The following PLXNA4 variants were observed in gnomAD, a reference collection of about 807,000 sequenced individuals.
PLXNA4 encodes the protein plexin A4.
A neutral mutation model predicts 191.8 loss-of-function variants in PLXNA4; 44 were observed. That is an observed-to-expected ratio of 0.23 (90% confidence interval 0.18 to 0.29). The LOEUF (loss-of-function observed/expected upper bound fraction) is 0.29. Among genes scored for constraint, PLXNA4 ranks in the 10% least tolerant of loss-of-function variants. PLXNA4 has a pLI of 1.00. For synonymous variants in PLXNA4, 1,082 were observed against 1,009.5 expected (o/e 1.07, Z -1.36); for missense variants, 1,800 against 2,488.8 (o/e 0.72, Z 5.89).
chr7:132,532,377 T>C (rs936342116), intron 1 of PLXNA4, among the ~76,000 whole-genome samples: 3 of 152,202 alleles, frequency 2.0e-5, no homozygotes, highest in African/African-American at 4.8e-5. Flanking sequence ...ACATGAGAGT[T>C]TGCATTTCTA....
At chr7:132,477,337 G>C (rs1797170461) in intron 3 of PLXNA4, among the ~76,000 whole-genome samples, 1 of 152,146 alleles carries the variant, frequency 6.6e-6, no homozygotes, top group Non-Finnish European at 1.5e-5. Context: ...AAATGGGAGT[G>C]GGCCACCACC....
rs374317794 is a variant in PLXNA4 at position 132,179,898 on chromosome 7, G to A, written c.3663C>T (p.Tyr1221=). 317 of 1,610,016 alleles carry A rather than the reference G, an allele frequency of 2.0e-4. 1 individual carries two copies. In the African/African-American group the frequency reaches 3.6e-3, roughly 18 times the overall value. Residue 1221 remains tyrosine, a synonymous_variant, in exon 20 of 32, where the codon TAC becomes TAT. Coordinates refer to ENST00000321063, the MANE Select transcript of PLXNA4 (RefSeq NM_020911.2). ...GGGCAATGTACACCATCCCCGGGGA[G>A]TACTCCATGCCACCGACACGGGCCT... ...KVMARVGGME[Y]SPGMVYIAPD...
At chr7:132,259,323 C>A (rs929146327) in intron 4 of PLXNA4, among the ~76,000 whole-genome samples, 3 of 151,222 alleles carry the variant, frequency 2.0e-5, no homozygotes, top group Admixed American at 6.6e-5. Context: ...GTAATCCCAG[C>A]TACTTGGGAG....
chr7:132,303,244 GT>G (rs1424947271), intron 3 of PLXNA4, among the ~76,000 whole-genome samples: 1 of 118,368 alleles, frequency 8.4e-6, no homozygotes, highest in Non-Finnish European at 1.7e-5. Flanking sequence ...GAAAACAGAA[GT>G]TGATTTTTTT....
rs182036718 is a variant in PLXNA4, at chr7:132,271,793, G to T, written c.1503+26298C>A. 5.3e-5 allele frequency among the ~76,000 whole-genome samples: 8 copies of T among 152,246 alleles called. No homozygotes were observed. In the East Asian group the frequency reaches 1.3e-3, roughly 26 times the overall value. The stretch of plus-strand genomic sequence containing the variant: ...AAGAGTAGCTTCATTGGAAAAACCA[G>T]ATTACAGAGGGTTGGGGAAAGAGTT... On this transcript the variant is annotated intron_variant, in intron 4 of 31. Transcript: ENST00000321063.
intron 3 of PLXNA4, among the ~76,000 whole-genome samples, chr7:132,387,938 G>A (rs2116975306): frequency 6.6e-6 from 1 of 152,140 alleles, no homozygotes; most frequent in Non-Finnish European, 1.5e-5. Context: ...CAGAGAGGCT[G>A]GAAGCTCCCC....
intron 3 of PLXNA4, among the ~76,000 whole-genome samples, chr7:132,424,451 T>A (rs1367291866): frequency 1.3e-5 from 2 of 152,192 alleles, no homozygotes; most frequent in African/African-American, 2.4e-5. Context: ...ACCAGGCTGA[T>A]GTCGTCTTCA....
chr7:132,186,163 A>G (rs78387484), intron 15 of PLXNA4, among the ~76,000 whole-genome samples: 11,460 of 152,208 alleles, frequency 0.075, 762 homozygotes, highest in African/African-American at 0.18. Flanking sequence ...CACATTGCCT[A>G]GAGTCCTTCA....
At chr7:132,479,719 G>A (rs527987064) in intron 3 of PLXNA4, among the ~76,000 whole-genome samples, 6 of 152,154 alleles carry the variant, frequency 3.9e-5, no homozygotes, top group South Asian at 4.2e-4. Context: ...GCACGATCTC[G>A]GCTCACTGCA....
chr7:132,620,329 G>T (rs1803237213), intron 2 of PLXNA4, among the ~76,000 whole-genome samples: 1 of 152,060 alleles, frequency 6.6e-6, no homozygotes, highest in Admixed American at 6.6e-5. Context: ...TTTGTTCAAG[G>T]TCTTAAAATG....
intron 3 of PLXNA4, among the ~76,000 whole-genome samples, chr7:132,389,446 A>G (rs1253659950): frequency 6.6e-6 from 1 of 152,186 alleles, no homozygotes; most frequent in East Asian, 1.9e-4. Flanking sequence ...ATTTTTGTAT[A>G]AGGTGTAAGG....
intron 2 of PLXNA4, among the ~76,000 whole-genome samples, chr7:132,597,045 G>A (rs2116834823): frequency 6.6e-6 from 1 of 152,270 alleles, no homozygotes; most frequent in African/African-American, 2.4e-5. Context: ...GCTAAAGTCA[G>A]CAGCCACTTC....
chr7:132,375,472 G>C (rs1026280639), intron 3 of PLXNA4, among the ~76,000 whole-genome samples: 1 of 152,238 alleles, frequency 6.6e-6, no homozygotes, highest in Non-Finnish European at 1.5e-5. Context: ...TGCATGTTCT[G>C]TGTGTGGCAC....
At chr7:132,347,438 G>A (rs1448845803) in intron 3 of PLXNA4, among the ~76,000 whole-genome samples, 3 of 152,166 alleles carry the variant, frequency 2.0e-5, no homozygotes, top group South Asian at 2.1e-4. Context: ...TTCAAAAGCC[G>A]GCATGTGTTG....
intron 3 of PLXNA4, among the ~76,000 whole-genome samples, chr7:132,448,417 C>T (rs1233500226): frequency 6.6e-6 from 1 of 152,142 alleles, no homozygotes; most frequent in East Asian, 1.9e-4. Flanking sequence ...TAGAAATTGG[C>T]ATCTGCTATA....
At chr7:132,539,349 C>T (rs778590507) in intron 1 of PLXNA4, among the ~76,000 whole-genome samples, 4 of 152,272 alleles carry the variant, frequency 2.6e-5, no homozygotes, top group African/African-American at 7.2e-5. Flanking sequence ...TCCAAATTAC[C>T]GGCAGTTACG....
At chr7:132,460,064 T>A (rs1010152530) in intron 3 of PLXNA4, among the ~76,000 whole-genome samples, 1 of 152,078 alleles carries the variant, frequency 6.6e-6, no homozygotes, top group Admixed American at 6.5e-5. Context: ...ACTGTTTAAA[T>A]TCCATTTGGC....
intron 1 of PLXNA4, among the ~76,000 whole-genome samples, chr7:132,572,860 G>C (rs1315979845): frequency 2.0e-5 from 3 of 152,204 alleles, no homozygotes. Context: ...AGCATAGCTC[G>C]ATAGAGCCTA....
rs1563048294 is a variant in PLXNA4, at chr7:132,132,462, G to GCTCTATTCT, written c.5589+586_5589+587insAGAATAGAG. Among the ~76,000 whole-genome samples the GCTCTATTCT allele has an allele frequency of 5.0e-4, 23 of 46,448 alleles. 2 individuals are homozygous for GCTCTATTCT. The highest frequency in any genetic ancestry group is 9.4e-4 in the East Asian group (2 of 2,138). The allele number at this position is 46,448 out of a possible 152,430, so 30.5% of individuals were successfully genotyped here. On this transcript the variant is annotated intron_variant, in intron 31 of 31. Transcript: ENST00000321063. ...GTTCTGTTCTGTTCTGTTCTGTTCT[G>GCTCTATTCT]TTCTGCTCTGCTCTGCTCTGCTCTG...
Sources: gnomAD v4.1 joint callset for allele counts (sites outside exome capture counted in the v4.1 genomes callset) on GRCh38, gnomAD v4.1.1 for gene constraint, MANE v1.5 for transcripts, NCBI Gene and HGNC (gene_info 2026-07-23, HGNC 2026-07-21) for gene names.